PTPRN2: variants seen among roughly 807,000 people sequenced by gnomAD.
PTPRN2 encodes the protein receptor-type tyrosine-protein phosphatase N2.
A neutral mutation model predicts 118.8 loss-of-function variants in PTPRN2; 74 were observed. That is an observed-to-expected ratio of 0.62 (90% CI 0.52 to 0.76). The LOEUF is 0.76. Ranked by LOEUF, PTPRN2 falls within the 30% of genes least tolerant of loss-of-function variation. The probability of loss-of-function intolerance (pLI) is 0.00; values close to 1 mark genes in which losing one functional copy is unlikely to be tolerated. For missense variants in PTPRN2, 1,481 were observed against 1,394.4 expected, an observed-to-expected ratio of 1.06 and a Z score of -0.99; for synonymous variants, 641 against 608.0, an observed-to-expected ratio of 1.05 and a Z score of -0.80.
At chr7:158,136,146 C>T (rs558924228) in intron 8 of PTPRN2, among the ~76,000 whole-genome samples, 31 of 152,352 alleles carry the variant, frequency 2.0e-4, no homozygotes, top group Non-Finnish European at 3.4e-4. Flanking sequence ...GAGCCACATG[C>T]GACTAACGTG....
intron 11 of PTPRN2, among the ~76,000 whole-genome samples, chr7:157,984,957 C>T (rs144621962): frequency 1.8e-4 from 28 of 152,310 alleles, no homozygotes; most frequent in African/African-American, 6.7e-4. Context: ...CTGCTCCCCA[C>T]CCGGTGCTAC....
chr7:157,897,401 G>A (rs1797193719), intron 12 of PTPRN2, among the ~76,000 whole-genome samples: 1 of 152,142 alleles, frequency 6.6e-6, no homozygotes. Flanking sequence ...AAGACTCTTG[G>A]CTTCTTTCTC....
chr7:158,191,116 G>A (rs1005845720), intron 5 of PTPRN2, among the ~76,000 whole-genome samples: 7 of 152,246 alleles, frequency 4.6e-5, no homozygotes, highest in South Asian at 2.1e-4. Flanking sequence ...GAGCTTAGTG[G>A]CCACGCGTCC....
chr7:158,505,536 T>C (rs1195894178), intron 1 of PTPRN2, among the ~76,000 whole-genome samples: 1 of 152,176 alleles, frequency 6.6e-6, no homozygotes, highest in African/African-American at 2.4e-5. Flanking sequence ...GCTCCTAAGG[T>C]TAAATAACAA....
At chr7:158,202,515 T>TGC (rs1167705082) in intron 4 of PTPRN2, among the ~76,000 whole-genome samples, 2 of 152,088 alleles carry the variant, frequency 1.3e-5, no homozygotes, top group African/African-American at 4.8e-5. Flanking sequence ...CCATGCTGGG[T>TGC]GCAGCTTGTT....
intron 11 of PTPRN2, among the ~76,000 whole-genome samples, chr7:157,969,772 T>G (rs1802191319): frequency 6.6e-6 from 1 of 151,920 alleles, no homozygotes; most frequent in Non-Finnish European, 1.5e-5. Flanking sequence ...GAAAAGCTCC[T>G]GAACAGGCCT....
intron 4 of PTPRN2, among the ~76,000 whole-genome samples, chr7:158,196,007 T>A (rs1029801917): frequency 3.9e-5 from 6 of 152,214 alleles, no homozygotes; most frequent in African/African-American, 1.4e-4. Flanking sequence ...GCAGCAATTA[T>A]CTATGACAAA....
chr7:158,280,690 G>A (rs1213540642), intron 3 of PTPRN2, among the ~76,000 whole-genome samples: 3 of 150,686 alleles, frequency 2.0e-5, no homozygotes, highest in Admixed American at 1.3e-4. Context: ...TTTCTCCACC[G>A]TCATTAAACC....
Position 157,788,374 on chromosome 7 carries a change from C to CAAAAAAAA in PTPRN2, c.1789-105445_1789-105438dup, listed in dbSNP as rs749886375. Reference sequence around the variant, plus strand: ...TGGGAAACAGAATGAGACTCCATCTCAAAAAAAAAAAAAAAAAAGAAAGTA... The same window carrying CAAAAAAAA: ...TGGGAAACAGAATGAGACTCCATCTCAAAAAAAAAAAAAAAAAAAAAAAAAAGAAAGTA... On this transcript the variant is annotated intron_variant, in intron 12 of 22. Transcript: ENST00000389418. 3.5e-3 allele frequency among the ~76,000 whole-genome samples: 261 copies of CAAAAAAAA among 75,426 alleles called. 2 individuals are homozygous for CAAAAAAAA. The highest frequency in any genetic ancestry group is 0.034 in the South Asian group (65 of 1,934). 49.5% of individuals were successfully genotyped at this position (75,426 alleles called of 152,430 possible). A position where few individuals can be genotyped will look rare whatever the true frequency, so the allele number is the denominator to read the frequency against.
intron 11 of PTPRN2, among the ~76,000 whole-genome samples, chr7:157,996,134 C>A (rs1804713780): frequency 6.6e-6 from 1 of 152,176 alleles, no homozygotes; most frequent in African/African-American, 2.4e-5. Flanking sequence ...TTTGCAGCAA[C>A]ATGGATGGAA....
intron 12 of PTPRN2, among the ~76,000 whole-genome samples, chr7:157,789,998 GTGTGGTGTT>G (rs1804348441): frequency 7.5e-6 from 1 of 132,774 alleles, no homozygotes. Flanking sequence ...GTGGGGGTGT[GTGTGGTGTT>G]TGTGTGGTGT....
chr7:158,054,042 C>CCTAGAGATGCAGAGACT (rs1809583562), intron 11 of PTPRN2, among the ~76,000 whole-genome samples: 1 of 150,040 alleles, frequency 6.7e-6, no homozygotes, highest in African/African-American at 2.5e-5. Context: ...ATGCAGAGAC[C>CCTAGAGATGCAGAGACT]CCAGAGATGC....
At chr7:158,388,157 C>T (rs552440762) in intron 2 of PTPRN2, among the ~76,000 whole-genome samples, 16 of 152,200 alleles carry the variant, frequency 1.1e-4, no homozygotes, top group Middle Eastern at 3.4e-3. Flanking sequence ...CTGCAGGTCT[C>T]GGCAAGGAGC....
intron 12 of PTPRN2, among the ~76,000 whole-genome samples, chr7:157,708,306 C>T (rs1338478271): frequency 1.3e-5 from 2 of 152,220 alleles, no homozygotes; most frequent in Non-Finnish European, 2.9e-5. Flanking sequence ...GCCTTCCAGG[C>T]GGGGTGCCAC....
chr7:158,087,223 C>T (rs763471607), intron 10 of PTPRN2, among the ~76,000 whole-genome samples: 1 of 152,174 alleles, frequency 6.6e-6, no homozygotes, highest in Non-Finnish European at 1.5e-5. Flanking sequence ...ACACAGTCCC[C>T]GCACGCTGTA....
chr7:157,746,760 TC>T (rs1466749795), intron 12 of PTPRN2, among the ~76,000 whole-genome samples: 1 of 152,194 alleles, frequency 6.6e-6, no homozygotes, highest in Admixed American at 6.6e-5. Flanking sequence ...GCAGATCTCT[TC>T]CGTTCAGCTG....
At chr7:158,446,802 G>T (rs944218476) in intron 2 of PTPRN2, among the ~76,000 whole-genome samples, 1 of 152,216 alleles carries the variant, frequency 6.6e-6, no homozygotes, top group Non-Finnish European at 1.5e-5. Flanking sequence ...CATCAGGCAC[G>T]CTGGGCTGTC....
intron 21 of PTPRN2, among the ~76,000 whole-genome samples, chr7:157,559,674 G>C (rs1031664127): frequency 6.6e-6 from 1 of 152,186 alleles, no homozygotes; most frequent in African/African-American, 2.4e-5. Context: ...AGCCTGGACC[G>C]TGGAGCTGTG....
chr7:158,441,782 ATGGTGATAGTGATGGTCATGGCAGTGG>A (rs1817298729), intron 2 of PTPRN2, among the ~76,000 whole-genome samples: 1 of 71,902 alleles, frequency 1.4e-5, no homozygotes, highest in African/African-American at 5.2e-5. Context: ...AGTGGTGGTG[ATGGTGATAGTGATGGTCATGGCAGTGG>A]TGGTGATGGT....
Sources: allele counts gnomAD v4.1 joint callset (sites outside exome capture counted in the v4.1 genomes callset), GRCh38; gene constraint gnomAD v4.1.1; transcripts MANE v1.5; gene names NCBI Gene and HGNC (gene_info 2026-07-23, HGNC 2026-07-21).